WDPCP: variants seen among roughly 807,000 people sequenced by gnomAD.
WDPCP encodes the protein WD repeat containing planar cell polarity effector.
WDPCP carries 71 observed loss-of-function variants against 93.1 expected under a neutral mutation model. The ratio of observed to expected loss-of-function variants is 0.76; its 90% CI spans 0.63 to 0.93. The LOEUF (loss-of-function observed/expected upper bound fraction) is 0.93. Ranked by LOEUF, WDPCP falls within the 40% of genes least tolerant of loss-of-function variation. The probability of loss-of-function intolerance (pLI) is 0.00; values close to 1 mark genes in which losing one functional copy is unlikely to be tolerated. For synonymous variants in WDPCP, 315 were observed against 315.0 expected (o/e 1.00, Z 0.00); for missense variants, 844 against 887.4 (o/e 0.95, Z 0.62).
At chr2:63,260,678 T>C (rs113796356) in intron 13 of WDPCP, among the ~76,000 whole-genome samples, 27 of 152,268 alleles carry the variant, frequency 1.8e-4, no homozygotes, top group Non-Finnish European at 3.4e-4. Context: ...GCCTCTTGAG[T>C]AGCTGGGATT....
intron 13 of WDPCP, among the ~76,000 whole-genome samples, chr2:63,309,746 T>C (rs1037418109): frequency 5.9e-5 from 9 of 152,118 alleles, no homozygotes; most frequent in African/African-American, 2.2e-4. Context: ...TCAAAGTATC[T>C]TCTCCCATCA....
At chr2:63,309,047 T>C (rs1355137041) in intron 13 of WDPCP, among the ~76,000 whole-genome samples, 1 of 152,124 alleles carries the variant, frequency 6.6e-6, no homozygotes. Flanking sequence ...CTTATAAGTG[T>C]GAGCTAAATA....
At chr2:63,276,438 C>A (rs1470720373) in intron 13 of WDPCP, among the ~76,000 whole-genome samples, 1 of 151,982 alleles carries the variant, frequency 6.6e-6, no homozygotes, top group Non-Finnish European at 1.5e-5. Flanking sequence ...AAGGAGGTAC[C>A]AGAGAAAGGT....
At chr2:63,770,647 G>A (rs1364992145) in intron 2 of WDPCP, among the ~76,000 whole-genome samples, 1 of 151,862 alleles carries the variant, frequency 6.6e-6, no homozygotes, top group Admixed American at 6.6e-5. Context: ...GTGGTCTGAG[G>A]ACTTTTGGAC....
At chr2:63,731,956 AG>A (rs1250367914) in intron 2 of WDPCP, among the ~76,000 whole-genome samples, 1 of 152,236 alleles carries the variant, frequency 6.6e-6, no homozygotes, top group Admixed American at 6.5e-5. Context: ...GACTATGAAA[AG>A]CAGATGCCAG....
chr2:63,801,373 C>T (rs57120200), intron 2 of WDPCP, among the ~76,000 whole-genome samples: 6,917 of 152,176 alleles, frequency 0.045, 276 homozygotes, highest in African/African-American at 0.097. Flanking sequence ...AGAATGAAAC[C>T]GTGGACCTTC....
intron 2 of WDPCP, among the ~76,000 whole-genome samples, chr2:63,799,088 T>C (rs756206976): frequency 4.6e-5 from 7 of 152,216 alleles, no homozygotes; most frequent in Non-Finnish European, 5.9e-5. Context: ...CTACTAAGAA[T>C]GTTTCACACT....
intron 11 of WDPCP, among the ~76,000 whole-genome samples, chr2:63,381,216 G>C (rs1692275391): frequency 6.6e-6 from 1 of 151,968 alleles, no homozygotes; most frequent in African/African-American, 2.4e-5. Flanking sequence ...TAGATAATTG[G>C]CAAATATAAA....
rs1669564411 is a variant in WDPCP at position 63,121,829 on chromosome 2, C to T, written c.*177G>A. ...TTACGATCACTTTGCTGTTATGCTG[C>T]ATGTTTTTGAAATAATAAAACTTTA... On this transcript the variant is annotated 3_prime_UTR_variant, in exon 18 of 18. Coordinates refer to ENST00000272321, the MANE Select transcript of WDPCP (RefSeq NM_015910.7). The T allele has an allele frequency of 8.6e-6, 12 of 1,389,082 alleles. No homozygotes were observed. The highest frequency in any genetic ancestry group is 1.1e-5 in the Non-Finnish European group (12 of 1,062,926). The allele number at this position is 1,389,082 out of a possible 1,614,324, so 86.0% of individuals were successfully genotyped here.
rs1669558916 is a variant in WDPCP, at chr2:63,121,681, T to C, written c.*325A>G. 1 of 380,116 alleles carries C rather than the reference T, an allele frequency of 2.6e-6. No homozygotes were observed. The highest frequency in any genetic ancestry group is 2.1e-5 in the African/African-American group (1 of 46,746). 23.5% of individuals were successfully genotyped at this position (380,116 alleles called of 1,614,324 possible). A position where few individuals can be genotyped will look rare whatever the true frequency, so the allele number is the denominator to read the frequency against. Reference sequence around the variant, plus strand: ...ACTATGCCTGCCCCCTACTGCCCCTTTTTTAAAGTACCTGGGAGAACAAAG... The same window carrying C: ...ACTATGCCTGCCCCCTACTGCCCCTCTTTTAAAGTACCTGGGAGAACAAAG... On this transcript the variant is annotated 3_prime_UTR_variant, in exon 18 of 18. Coordinates refer to ENST00000272321, the MANE Select transcript of WDPCP (RefSeq NM_015910.7).
At chr2:63,207,200 G>A (rs558533597) in intron 14 of WDPCP, among the ~76,000 whole-genome samples, 2 of 152,290 alleles carry the variant, frequency 1.3e-5, no homozygotes, top group African/African-American at 4.8e-5. Flanking sequence ...TTATCCAATA[G>A]ATTTCCTAGT....
intron 12 of WDPCP, among the ~76,000 whole-genome samples, chr2:63,320,679 AC>A (rs1422048957): frequency 6.6e-6 from 1 of 152,150 alleles, no homozygotes; most frequent in Non-Finnish European, 1.5e-5. Flanking sequence ...CACTAAAAAA[AC>A]AGTGCAAGTA....
intron 6 of WDPCP, among the ~76,000 whole-genome samples, chr2:63,468,001 A>T (rs1462077807): frequency 6.6e-6 from 1 of 152,102 alleles, no homozygotes; most frequent in East Asian, 1.9e-4. Flanking sequence ...AAGTTGATGG[A>T]GAGAAGCCAC....
At position 63,248,767 on chromosome 2, in the gene WDPCP, C is replaced by A. The variant is rs150226607; in HGVS notation, c.1915+10540G>T. 2.4e-4 allele frequency among the ~76,000 whole-genome samples: 36 copies of A among 152,128 alleles called. No individual in the cohort carries two copies. The East Asian group carries it at 4.4e-3, about 19-fold the overall frequency. ...TTCAAATATCGTATCATAAAGTTGG[C>A]TGATTTTTTTTCTTCTGCCTACTCA... On this transcript the variant is annotated intron_variant, in intron 14 of 17. Transcript: ENST00000272321.
At chr2:63,702,613 A>G (rs1669075718) in intron 2 of WDPCP, among the ~76,000 whole-genome samples, 1 of 149,220 alleles carries the variant, frequency 6.7e-6, no homozygotes, top group Non-Finnish European at 1.5e-5. Flanking sequence ...ATTTCGGCTC[A>G]CTGCAAGCTA....
intron 2 of WDPCP, among the ~76,000 whole-genome samples, chr2:63,799,964 A>G (rs775212760): frequency 2.0e-5 from 3 of 152,284 alleles, no homozygotes; most frequent in African/African-American, 4.8e-5. Flanking sequence ...TTTGTATGCA[A>G]TTGTGATGAC....
chr2:63,383,229 T>C (rs1266786791), intron 10 of WDPCP, among the ~76,000 whole-genome samples: 2 of 151,994 alleles, frequency 1.3e-5, no homozygotes, highest in African/African-American at 4.8e-5. Context: ...AATTATGTAA[T>C]CCAGAAAACA....
upstream of WDPCP, chr2:63,589,376 G>A (rs570913226): frequency 6.4e-7 from 1 of 1,550,602 alleles, no homozygotes; most frequent in East Asian, 2.4e-5. Context: ...GTTTGATAAG[G>A]ACGATAAGGT....
At chr2:63,485,980 A>G (rs1700551050) in intron 4 of WDPCP, among the ~76,000 whole-genome samples, 1 of 151,784 alleles carries the variant, frequency 6.6e-6, no homozygotes, top group African/African-American at 2.4e-5. Flanking sequence ...ATTTTTTAAA[A>G]TTAAATGTCA....
Sources: allele counts gnomAD v4.1 joint callset (sites outside exome capture counted in the v4.1 genomes callset), GRCh38; gene constraint gnomAD v4.1.1; transcripts MANE v1.5; gene names NCBI Gene and HGNC (gene_info 2026-07-23, HGNC 2026-07-21).